The following RPS6KC1 variants were observed in gnomAD, a reference collection of about 807,000 sequenced individuals.
RPS6KC1 encodes inactive ribosomal protein S6 kinase delta-1.
In RPS6KC1, 54 loss-of-function variants were observed where a neutral mutation model predicts 103.8. The ratio of observed to expected loss-of-function variants is 0.52; its 90% CI spans 0.42 to 0.65. RPS6KC1 has a LOEUF of 0.65. RPS6KC1 is among the 30% of genes least tolerant of loss of function. RPS6KC1 has a pLI of 0.00. For missense variants in RPS6KC1, 1,151 were observed against 1,253.8 expected (o/e 0.92, Z 1.24); for synonymous variants, 439 against 438.7 (o/e 1.00, Z -0.01).
At chr1:213,504,892 A>C in the RPS6KC1 span, among the ~76,000 whole-genome samples, 1 of 152,074 alleles carries the variant, frequency 6.6e-6, no homozygotes, top group African/African-American at 2.4e-5. Context: ...CCCTTTTCCC[A>C]TTGTAACTTG....
the RPS6KC1 span, among the ~76,000 whole-genome samples, chr1:213,606,704 G>A: frequency 2.0e-5 from 3 of 152,304 alleles, no homozygotes; most frequent in East Asian, 5.8e-4. Flanking sequence ...CACCAAAAGG[G>A]AGTTCGTGTG....
chr1:213,069,413 C>T (rs2078664752), intron 1 of RPS6KC1, among the ~76,000 whole-genome samples: 1 of 152,100 alleles, frequency 6.6e-6, no homozygotes, highest in Admixed American at 6.6e-5. Flanking sequence ...TTGCTGTGTC[C>T]TTATTTGTTG....
chr1:213,669,567 AG>A, the RPS6KC1 span, among the ~76,000 whole-genome samples: 1 of 152,226 alleles, frequency 6.6e-6, no homozygotes, highest in Non-Finnish European at 1.5e-5. Flanking sequence ...AGAGGCACAA[AG>A]TGAGCACACG....
At chr1:213,334,892 C>T in the RPS6KC1 span, among the ~76,000 whole-genome samples, 9 of 152,236 alleles carry the variant, frequency 5.9e-5, no homozygotes, top group African/African-American at 2.2e-4. Flanking sequence ...CTCTCTCTTT[C>T]TATATATGGT....
chr1:213,190,003 G>C (rs543115771), intron 8 of RPS6KC1, among the ~76,000 whole-genome samples: 165 of 152,280 alleles, frequency 1.1e-3, no homozygotes, highest in African/African-American at 3.9e-3. Flanking sequence ...TTTTATGCCT[G>C]AATAGTACTT....
chr1:213,301,726 T>C, the RPS6KC1 span, among the ~76,000 whole-genome samples: 1 of 150,776 alleles, frequency 6.6e-6, no homozygotes, highest in Non-Finnish European at 1.5e-5. Context: ...TATTTATTTA[T>C]TTATTTATTT....
intron 4 of RPS6KC1, among the ~76,000 whole-genome samples, chr1:213,106,497 C>A (rs1403311060): frequency 6.6e-6 from 1 of 152,174 alleles, no homozygotes; most frequent in Non-Finnish European, 1.5e-5. Context: ...AACAGGGTCA[C>A]ATGCCCATCC....
chr1:213,761,971 T>G, the RPS6KC1 span, among the ~76,000 whole-genome samples: 4 of 151,896 alleles, frequency 2.6e-5, no homozygotes, highest in Non-Finnish European at 5.9e-5. Context: ...CGAAAATGAT[T>G]GTTAGAGTCA....
At chr1:213,063,036 G>T (rs1022249597) in intron 1 of RPS6KC1, among the ~76,000 whole-genome samples, 1 of 152,182 alleles carries the variant, frequency 6.6e-6, no homozygotes, top group African/African-American at 2.4e-5. Context: ...TAGGCAAGGG[G>T]GCTGACTTTG....
the RPS6KC1 span, among the ~76,000 whole-genome samples, chr1:213,552,814 C>G: frequency 6.6e-6 from 1 of 152,122 alleles, no homozygotes; most frequent in Admixed American, 6.6e-5. Context: ...CGGAGGAAAG[C>G]AGTTGCAAAC....
At chr1:213,475,541 T>A in the RPS6KC1 span, among the ~76,000 whole-genome samples, 2,764 of 152,140 alleles carry the variant, frequency 0.018, 105 homozygotes, top group African/African-American at 0.064. Flanking sequence ...TTTCAATGGG[T>A]AAAAGAACAT....
At chr1:213,451,503 C>T in the RPS6KC1 span, among the ~76,000 whole-genome samples, 6 of 152,194 alleles carry the variant, frequency 3.9e-5, no homozygotes, top group Non-Finnish European at 7.3e-5. Context: ...TTTCTTTTCA[C>T]AGCAGCTGAC....
chr1:213,539,729 G>A, the RPS6KC1 span, among the ~76,000 whole-genome samples: 316 of 139,486 alleles, frequency 2.3e-3, 1 homozygote, highest in African/African-American at 0.01. Flanking sequence ...AAAATGATCG[G>A]GGCAAAATGA....
the RPS6KC1 span, among the ~76,000 whole-genome samples, chr1:213,288,358 A>G: frequency 3.5e-4 from 54 of 152,348 alleles, 1 homozygote; most frequent in Admixed American, 3.1e-3. Context: ...AAAGAATTTC[A>G]GGTACATAAA....
chr1:213,317,511 C>G, the RPS6KC1 span, among the ~76,000 whole-genome samples: 1 of 152,176 alleles, frequency 6.6e-6, no homozygotes, highest in African/African-American at 2.4e-5. Flanking sequence ...GGGATCAAGG[C>G]TCCACCCTGA....
the RPS6KC1 span, among the ~76,000 whole-genome samples, chr1:213,803,529 G>A: frequency 6.8e-4 from 103 of 152,120 alleles, 7 homozygotes; most frequent in Non-Finnish European, 2.9e-5. Flanking sequence ...TTACAGGCAT[G>A]AGCCCCCACA....
At chr1:213,250,721 G>C (rs1411485910) in intron 12 of RPS6KC1, among the ~76,000 whole-genome samples, 1 of 152,082 alleles carries the variant, frequency 6.6e-6, no homozygotes, top group Non-Finnish European at 1.5e-5. Flanking sequence ...AACTATTAGA[G>C]GAGCATTCCG....
At chr1:213,342,638 A>G in the RPS6KC1 span, among the ~76,000 whole-genome samples, 1 of 151,412 alleles carries the variant, frequency 6.6e-6, no homozygotes, top group Non-Finnish European at 1.5e-5. Flanking sequence ...GTTTGCAGCC[A>G]TTTTTTTTCA....
At chr1:213,096,382 C>T (rs1464812192) in intron 3 of RPS6KC1, among the ~76,000 whole-genome samples, 2 of 152,116 alleles carry the variant, frequency 1.3e-5, no homozygotes, top group East Asian at 3.9e-4. Context: ...GGGTTACAAT[C>T]AGCTTCTAAA....
Sources: gnomAD v4.1 joint callset for allele counts (sites outside exome capture counted in the v4.1 genomes callset) on GRCh38, gnomAD v4.1.1 for gene constraint, MANE v1.5 for transcripts, NCBI Gene and HGNC (gene_info 2026-07-23, HGNC 2026-07-21) for gene names.